Variants in CCDC7 observed in about 807,000 individuals in gnomAD.
CCDC7 encodes the protein coiled-coil domain containing 7.
In CCDC7, 183 loss-of-function variants were observed where a neutral mutation model predicts 196.9. That is an observed-to-expected ratio of 0.93 (90% CI 0.82 to 1.05). The LOEUF (loss-of-function observed/expected upper bound fraction) is 1.05, where lower values mean the gene tolerates loss of function less well. Ranked by LOEUF, CCDC7 falls within the 50% of genes least tolerant of loss-of-function variation. The pLI is 0.00. For synonymous variants in CCDC7, 525 were observed against 484.6 expected (o/e 1.08, Z -1.10); for missense variants, 1,540 against 1,482.2 (o/e 1.04, Z -0.64).
intron 41 of CCDC7, among the ~76,000 whole-genome samples, chr10:32,863,767 C>T (rs1373543782): frequency 6.6e-6 from 1 of 151,756 alleles, no homozygotes; most frequent in African/African-American, 2.4e-5. Flanking sequence ...GATAGGAGAC[C>T]TACATGTAAG....
At chr10:32,481,237 C>CT (rs1277301215) in intron 8 of CCDC7, among the ~76,000 whole-genome samples, 1 of 152,052 alleles carries the variant, frequency 6.6e-6, no homozygotes, top group Non-Finnish European at 1.5e-5. Flanking sequence ...AGCAGGTAGT[C>CT]TTGTTTTTTT....
At chr10:32,776,028 A>G (rs893203203) in intron 28 of CCDC7, among the ~76,000 whole-genome samples, 30 of 147,904 alleles carry the variant, frequency 2.0e-4, no homozygotes, top group Non-Finnish European at 3.3e-4. Context: ...AACTATCGCA[A>G]GAACAAAAAA....
intron 5 of CCDC7, among the ~76,000 whole-genome samples, chr10:32,470,060 A>G (rs1316194756): frequency 6.6e-6 from 1 of 152,020 alleles, no homozygotes; most frequent in Admixed American, 6.6e-5. Flanking sequence ...TCTTCCACCT[A>G]TTCTGTGTTC....
chr10:32,771,078 A>T (rs1033279110), intron 28 of CCDC7, among the ~76,000 whole-genome samples: 1 of 152,184 alleles, frequency 6.6e-6, no homozygotes, highest in African/African-American at 2.4e-5. Context: ...ATTTACATTC[A>T]ATGTTAATAT....
intron 28 of CCDC7, among the ~76,000 whole-genome samples, chr10:32,763,041 C>T (rs1331551080): frequency 6.6e-6 from 1 of 151,396 alleles, no homozygotes; most frequent in Non-Finnish European, 1.5e-5. Flanking sequence ...ATTTTCTGGA[C>T]AAAGGAAATA....
chr10:32,515,385 T>G (rs2046855642), intron 9 of CCDC7, among the ~76,000 whole-genome samples: 1 of 152,072 alleles, frequency 6.6e-6, no homozygotes, highest in Non-Finnish European at 1.5e-5. Context: ...TATAGAGCAA[T>G]GGAATAGAGT....
chr10:32,632,822 C>T (rs1358844544), intron 18 of CCDC7, among the ~76,000 whole-genome samples: 1 of 152,050 alleles, frequency 6.6e-6, no homozygotes. Flanking sequence ...GAGTTTAATA[C>T]TATTAAATTT....
rs2081449237 is a variant in CCDC7, at chr10:32,784,142, T to C, written c.3013+5058T>C. 2.0e-5 allele frequency among the ~76,000 whole-genome samples: 3 copies of C among 152,212 alleles called. No individual in the cohort carries two copies. In the East Asian group the frequency reaches 5.8e-4, roughly 29 times the overall value. On this transcript the variant is annotated intron_variant, in intron 29 of 41. Transcript: ENST00000639629. ...AAAATGGTTAAAATAATAAATTTTA[T>C]ATTATGTATATTTACCACAATAAAA...
intron 28 of CCDC7, among the ~76,000 whole-genome samples, chr10:32,762,445 A>G (rs1447929305): frequency 6.6e-6 from 1 of 151,722 alleles, no homozygotes; most frequent in Non-Finnish European, 1.5e-5. Context: ...GTGCTTATCA[A>G]TATTCCAATT....
intron 8 of CCDC7, among the ~76,000 whole-genome samples, chr10:32,491,563 AT>A (rs1239451065): frequency 2.0e-5 from 3 of 152,210 alleles, no homozygotes; most frequent in Non-Finnish European, 2.9e-5. Context: ...ATTCCATATC[AT>A]AAGAAGGTCA....
chr10:32,864,126 C>G (rs150067912), intron 41 of CCDC7, among the ~76,000 whole-genome samples: 39 of 151,870 alleles, frequency 2.6e-4, no homozygotes, highest in African/African-American at 8.7e-4. Flanking sequence ...ACAGACGTTT[C>G]TCTGAAGAAG....
chr10:32,867,125 G>T (rs1171678786), intron 41 of CCDC7, among the ~76,000 whole-genome samples: 1 of 151,496 alleles, frequency 6.6e-6, no homozygotes, highest in Non-Finnish European at 1.5e-5. Context: ...TTTAGTGCAT[G>T]GTCCTAGATT....
At chr10:32,446,562 A>T (rs1244569043) in intron 1 of CCDC7, 165 bp downstream of exon 1, 1 of 151,868 alleles carries the variant, frequency 6.6e-6, no homozygotes, top group South Asian at 2.1e-4. Context: ...TCCTTTCCCT[A>T]CGTCCCCTGC....
chr10:32,518,401 A>G lies in CCDC7; in HGVS notation c.904-15A>G, dbSNP rs1450740297. On this transcript the variant is annotated splice_polypyrimidine_tract_variant and intron_variant, in intron 10 of 41. Transcript: ENST00000639629. ...AGTTTTACTCTTCATTATTACTAAA[A>G]TTATTTGTTTTTAGGAATACAAACA... is the stretch of plus-strand genomic sequence containing the variant. 1.8e-5 allele frequency: 29 copies of G among 1,578,392 alleles called. No individual in the cohort carries two copies. The highest frequency in any genetic ancestry group is 2.3e-5 in the Non-Finnish European group (27 of 1,167,166).
chr10:32,514,448 CAGGG>C (rs1258272649), intron 9 of CCDC7: 1 of 152,156 alleles, frequency 6.6e-6, no homozygotes, highest in African/African-American at 2.4e-5. Flanking sequence ...CAAAGAATGC[CAGGG>C]ACTAACAGTG....
At chr10:32,845,198 AT>A in intron 33 of CCDC7, 44 bp from the exon 35 acceptor site, 2 of 1,214,902 alleles carry the variant, frequency 1.6e-6, no homozygotes, top group South Asian at 2.9e-5. Flanking sequence ...AGATTTGGTA[AT>A]GTTTACCTTT....
intron 28 of CCDC7, among the ~76,000 whole-genome samples, chr10:32,744,219 G>A (rs2074314189): frequency 6.6e-6 from 1 of 151,920 alleles, no homozygotes; most frequent in Admixed American, 6.6e-5. Context: ...TAATGTGAAT[G>A]AGATACTAAA....
chr10:32,688,918 A>G, intron 22 of CCDC7, 135 bp from the exon 24 acceptor site: 2 of 631,602 alleles, frequency 3.2e-6, no homozygotes, highest in East Asian at 2.9e-5. Context: ...CATAGTAGAT[A>G]TAGCATTATG....
intron 5 of CCDC7, among the ~76,000 whole-genome samples, chr10:32,467,940 C>T (rs1391638153): frequency 1.3e-5 from 2 of 152,122 alleles, no homozygotes; most frequent in Non-Finnish European, 2.9e-5. Flanking sequence ...TTCCATTGCT[C>T]TATGTGTCTG....
Sources: gnomAD v4.1 joint callset for allele counts (sites outside exome capture counted in the v4.1 genomes callset) on GRCh38, gnomAD v4.1.1 for gene constraint, MANE v1.5 for transcripts, NCBI Gene and HGNC (gene_info 2026-07-23, HGNC 2026-07-21) for gene names.